The following CEP83 variants were observed in gnomAD, a reference collection of about 807,000 sequenced individuals.
The protein encoded by CEP83 is centrosomal protein 83.
Under a neutral mutation model 101.9 loss-of-function variants are expected in CEP83, and 70 were observed. That is an observed-to-expected ratio of 0.69 (90% CI 0.57 to 0.84). CEP83 has a LOEUF of 0.84. CEP83 is among the 40% of genes least tolerant of loss of function. The pLI is 0.00. For missense variants in CEP83, 715 were observed against 787.2 expected (o/e 0.91, Z 1.10); for synonymous variants, 264 against 267.9 (o/e 0.99, Z 0.14).
intron 6 of CEP83, among the ~76,000 whole-genome samples, chr12:94,396,111 G>A (rs1176972662): frequency 6.6e-6 from 1 of 151,918 alleles, no homozygotes; most frequent in Non-Finnish European, 1.5e-5. Context: ...ATAATTACCT[G>A]CGCCTACAAC....
chr12:94,267,734 CTG>C, the CEP83 span, among the ~76,000 whole-genome samples: 1 of 152,162 alleles, frequency 6.6e-6, no homozygotes, highest in African/African-American at 2.4e-5. Flanking sequence ...GTGTGACAAA[CTG>C]TTAGCAGAAG....
At position 94,378,788 on chromosome 12, in the gene CEP83, T is replaced by C; in HGVS notation, c.801+3A>G. Reference sequence around the variant, plus strand: ...CTCTACTGGGAAGTAATTAGAATCTTACCTCCAGGGATCTGACTGTAGCCT... The same window carrying C: ...CTCTACTGGGAAGTAATTAGAATCTCACCTCCAGGGATCTGACTGTAGCCT... On this transcript the variant is annotated splice_donor_region_variant and intron_variant, in intron 7 of 16. Coordinates refer to ENST00000397809, the MANE Select transcript of CEP83 (RefSeq NM_016122.3). The C allele has an allele frequency of 1.2e-6, 2 of 1,613,756 alleles. No individual in the cohort carries two copies. The highest frequency in any genetic ancestry group is 1.1e-5 in the South Asian group (1 of 91,036).
the CEP83 span, among the ~76,000 whole-genome samples, chr12:94,275,629 G>A: frequency 5.8e-5 from 5 of 86,460 alleles, 1 homozygote; most frequent in South Asian, 5.7e-4. Context: ...CGAGGCGGGC[G>A]GATCACGAGG....
the CEP83 span, among the ~76,000 whole-genome samples, chr12:94,267,478 T>C: frequency 1.3e-5 from 2 of 152,202 alleles, no homozygotes; most frequent in African/African-American, 4.8e-5. Context: ...TTTTTCTTTA[T>C]AGCCCCTGGG....
Position 94,392,530 on chromosome 12 carries a change from C to G in CEP83, c.549+8320G>C, listed in dbSNP as rs149865949. On this transcript the variant is annotated intron_variant, in intron 6 of 16. Transcript: ENST00000397809. ...TTTATAGCACTAAATGCCCACAAGA[C>G]AAAGCAGGAAAGATCTAAAATTGAC... 2.0e-3 allele frequency among the ~76,000 whole-genome samples: 299 copies of G among 152,114 alleles called. 3 individuals are homozygous for G. In the East Asian group the frequency reaches 0.034, roughly 17 times the overall value.
the CEP83 span, chr12:94,282,785 A>C: frequency 5.7e-6 from 1 of 175,808 alleles, no homozygotes; most frequent in Non-Finnish European, 1.2e-5. Context: ...CCTCCACAAC[A>C]TTCACAGTAG....
chr12:94,386,787 C>A (rs998035553), intron 6 of CEP83, among the ~76,000 whole-genome samples: 4 of 152,134 alleles, frequency 2.6e-5, no homozygotes, highest in Admixed American at 1.3e-4. Context: ...AGTTGTGCAA[C>A]CTTGGGCCAG....
At chr12:94,458,293 G>C (rs1319840889) in intron 1 of CEP83, among the ~76,000 whole-genome samples, 1 of 152,046 alleles carries the variant, frequency 6.6e-6, no homozygotes, top group African/African-American at 2.4e-5. Context: ...TATTATTTGA[G>C]AATGTTCTAA....
intron 11 of CEP83, among the ~76,000 whole-genome samples, chr12:94,349,776 T>C (rs2136748672): frequency 6.6e-6 from 1 of 152,314 alleles, no homozygotes; most frequent in Middle Eastern, 3.4e-3. Context: ...CCAGAGCTAT[T>C]AGGCAAGAGA....
At position 94,443,554 on chromosome 12, in the gene CEP83, G is replaced by A. The variant is rs183510997; in HGVS notation, c.-154-8227C>T. 2.4e-4 allele frequency among the ~76,000 whole-genome samples: 36 copies of A among 152,090 alleles called. 1 individual carries two copies. The East Asian group carries it at 2.5e-3, about 11-fold the overall frequency. ...GTCACCCAGGCTAGAGTACAATGGC[G>A]CAATCTCAGCTCACTGCAACCTCCG... is the stretch of plus-strand genomic sequence containing the variant. On this transcript the variant is annotated intron_variant, in intron 1 of 16. Transcript: ENST00000397809.
chr12:94,457,662 T>C (rs1378844909), intron 1 of CEP83, among the ~76,000 whole-genome samples: 1 of 152,184 alleles, frequency 6.6e-6, no homozygotes, highest in East Asian at 1.9e-4. Context: ...TACATAAGGG[T>C]ATCTGACATA....
rs189707483 is a variant in CEP83 at position 94,414,019 on chromosome 12, A to T, written c.-101-1428T>A. Among the ~76,000 whole-genome samples the T allele has an allele frequency of 4.7e-4, 71 of 152,302 alleles. 1 individual carries two copies. The East Asian group carries it at 4.8e-3, about 10-fold the overall frequency. Reference sequence around the variant, plus strand: ...ATACCATCTCTGATAAATTAGTGTGATATCTACGTATTACTTAAGACAATC... The same window carrying T: ...ATACCATCTCTGATAAATTAGTGTGTTATCTACGTATTACTTAAGACAATC... On this transcript the variant is annotated intron_variant, in intron 2 of 16. Transcript: ENST00000397809.
At chr12:94,282,433 C>T in the CEP83 span, 2 of 1,365,450 alleles carry the variant, frequency 1.5e-6, no homozygotes, top group Non-Finnish European at 2.1e-6. Flanking sequence ...GTGTCTCCTT[C>T]CTCATCCCCA....
chr12:94,285,472 C>A, the CEP83 span, among the ~76,000 whole-genome samples: 7 of 152,172 alleles, frequency 4.6e-5, no homozygotes, highest in Non-Finnish European at 8.8e-5. Flanking sequence ...GAGAAAGCTG[C>A]AGGCTAGCAA....
chr12:94,376,690 TACAC>T (rs533315599), intron 7 of CEP83, among the ~76,000 whole-genome samples: 6,649 of 117,332 alleles, frequency 0.057, 213 homozygotes, highest in Non-Finnish European at 0.074. Flanking sequence ...TATACATATA[TACAC>T]ACACACACAC....
At chr12:94,278,522 A>C in the CEP83 span, among the ~76,000 whole-genome samples, 1 of 152,218 alleles carries the variant, frequency 6.6e-6, no homozygotes, top group Non-Finnish European at 1.5e-5. Flanking sequence ...CTGCACTAGG[A>C]GAATGTTCAC....
At chr12:94,337,811 G>A (rs1379592593) in intron 11 of CEP83, among the ~76,000 whole-genome samples, 1 of 152,136 alleles carries the variant, frequency 6.6e-6, no homozygotes, top group African/African-American at 2.4e-5. Flanking sequence ...GGGATTAAAA[G>A]CACTGTTCAC....
chr12:94,365,796 T>C (rs1402182184), intron 11 of CEP83, among the ~76,000 whole-genome samples: 1 of 118,704 alleles, frequency 8.4e-6, no homozygotes, highest in Non-Finnish European at 1.8e-5. Flanking sequence ...AAAGACAAAA[T>C]ATTGGAAATT....
intron 6 of CEP83, among the ~76,000 whole-genome samples, chr12:94,388,117 C>T (rs1280323184): frequency 6.6e-6 from 1 of 152,172 alleles, no homozygotes; most frequent in African/African-American, 2.4e-5. Context: ...ATTAAATTGA[C>T]ACACACACTC....
Sources: gnomAD v4.1 joint callset for allele counts (sites outside exome capture counted in the v4.1 genomes callset) on GRCh38, gnomAD v4.1.1 for gene constraint, MANE v1.5 for transcripts, NCBI Gene and HGNC (gene_info 2026-07-23, HGNC 2026-07-21) for gene names.